Variants in TRPM1 observed in about 807,000 individuals in gnomAD.
TRPM1 encodes the protein TRPM1-203 APA Isoform, Intron 10.
Under a neutral mutation model 149.4 loss-of-function variants are expected in TRPM1, and 113 were observed. The ratio of observed to expected loss-of-function variants is 0.76; its 90% CI spans 0.65 to 0.88. The LOEUF (loss-of-function observed/expected upper bound fraction) is 0.88. TRPM1 is among the 40% of genes least tolerant of loss of function. The probability of loss-of-function intolerance (pLI) is 0.00; values close to 1 mark genes in which losing one functional copy is unlikely to be tolerated. For missense variants in TRPM1, 1,976 were observed against 2,038.7 expected, an observed-to-expected ratio of 0.97 and a Z score of 0.59; for synonymous variants, 741 against 759.5, an observed-to-expected ratio of 0.98 and a Z score of 0.40.
At chr15:31,052,461 A>T (rs1467348842) in intron 11 of TRPM1, among the ~76,000 whole-genome samples, 1 of 152,148 alleles carries the variant, frequency 6.6e-6, no homozygotes, top group Non-Finnish European at 1.5e-5. Flanking sequence ...AAATACCTGA[A>T]CATAAAATCG....
At position 31,050,688 on chromosome 15, in the gene TRPM1, A is replaced by T. The variant is rs2033924365; in HGVS notation, c.1264-106T>A. 2.6e-6 allele frequency: 3 copies of T among 1,162,286 alleles called. No individual in the cohort carries two copies. In the East Asian group the frequency reaches 7.1e-5, roughly 27 times the overall value. 72.0% of individuals were successfully genotyped at this position (1,162,286 alleles called of 1,614,324 possible). On this transcript the variant is annotated intron_variant, in intron 11 of 27. Transcript: ENST00000256552. Reference sequence around the variant, plus strand: ...CTCTGTATGTGCACACATGCACACCACACATGCACACAATGTACATGTGCA... The same window carrying T: ...CTCTGTATGTGCACACATGCACACCTCACATGCACACAATGTACATGTGCA...
At chr15:31,082,909 G>A (rs1362252755) in intron 1 of TRPM1, among the ~76,000 whole-genome samples, 1 of 152,146 alleles carries the variant, frequency 6.6e-6, no homozygotes, top group Non-Finnish European at 1.5e-5. Flanking sequence ...GGGAGCTGGA[G>A]TGGAATGAAG....
chr15:31,017,239 G>A (rs2032399324), intron 27 of TRPM1, among the ~76,000 whole-genome samples: 1 of 152,156 alleles, frequency 6.6e-6, no homozygotes, highest in Non-Finnish European at 1.5e-5. Context: ...AACCCGGGAG[G>A]CGGAGGTTGC....
At chr15:31,019,425 G>A (rs111585486) in intron 27 of TRPM1, among the ~76,000 whole-genome samples, 343 of 152,152 alleles carry the variant, frequency 2.3e-3, no homozygotes, top group African/African-American at 7.9e-3. Flanking sequence ...TTTTTGAGAG[G>A]GAGTCTCTGT....
intron 5 of TRPM1, 99 bp downstream of exon 5, chr15:31,067,780 A>G: frequency 3.4e-6 from 4 of 1,159,826 alleles, no homozygotes; most frequent in East Asian, 2.3e-5. Context: ...TCAGGATGCA[A>G]TATGTTTTGT....
chr15:31,057,198 T>C (rs2034108543), intron 11 of TRPM1, among the ~76,000 whole-genome samples: 1 of 152,110 alleles, frequency 6.6e-6, no homozygotes, highest in Admixed American at 6.6e-5. Context: ...AGAATAGATA[T>C]GGCTGCAGCC....
intron 1 of TRPM1, among the ~76,000 whole-genome samples, chr15:31,114,736 AT>A (rs958402418): frequency 4.6e-5 from 7 of 152,248 alleles, no homozygotes; most frequent in African/African-American, 1.4e-4. Context: ...TCCAGAAAAA[AT>A]ATTCTTCCAC....
At chr15:31,069,732 T>C in intron 4 of TRPM1, 3 of 1,426,936 alleles carry the variant, frequency 2.1e-6, no homozygotes, top group Non-Finnish European at 2.7e-6. Context: ...TTGTCTTCCT[T>C]TACTGAAGAT....
chr15:31,108,551 C>T (rs1335787373), intron 1 of TRPM1, among the ~76,000 whole-genome samples: 1 of 151,994 alleles, frequency 6.6e-6, no homozygotes, highest in Non-Finnish European at 1.5e-5. Context: ...TGGAGTGCAA[C>T]GGCACGATCT....
chr15:31,107,882 G>T (rs1361586647), intron 1 of TRPM1, among the ~76,000 whole-genome samples: 4 of 147,146 alleles, frequency 2.7e-5, no homozygotes, highest in Non-Finnish European at 5.9e-5. Flanking sequence ...TTTTGAGACT[G>T]AGTCTTGCTC....
At chr15:31,150,796 G>A (rs1384244526) in intron 1 of TRPM1, among the ~76,000 whole-genome samples, 1 of 152,118 alleles carries the variant, frequency 6.6e-6, no homozygotes. Context: ...GCACAGGGGA[G>A]TTGCCTAAGA....
At chr15:31,053,516 G>C (rs529267757) in intron 11 of TRPM1, among the ~76,000 whole-genome samples, 43 of 151,930 alleles carry the variant, frequency 2.8e-4, no homozygotes, top group African/African-American at 9.4e-4. Context: ...ACCTGCCTTG[G>C]CCTCCCAAAG....
rs1359765096 is a variant in TRPM1, at chr15:31,035,940, C to T, written c.2572-266G>A. 3 of 527,016 alleles carry T rather than the reference C, an allele frequency of 5.7e-6. No homozygotes were observed. In the East Asian group the frequency reaches 1.0e-4, roughly 18 times the overall value. 32.6% of individuals were successfully genotyped at this position (527,016 alleles called of 1,614,324 possible). On this transcript the variant is annotated intron_variant, in intron 20 of 27. Coordinates refer to ENST00000256552, the MANE Select transcript of TRPM1 (RefSeq NM_001252024.2). ...ACATATTGGTTGGTGCTGTCATCCT[C>T]ATGGGGAAACTATGAAGTTGCAAAC...
rs1371575854 is a variant in TRPM1 at position 31,032,786 on chromosome 15, A to G, written c.2855T>C (p.Ile952Thr). Residue 952 changes from isoleucine to threonine, a missense_variant, in exon 22 of 28, where the codon ATC (isoleucine) becomes ACC (threonine). Physicochemically the swap from Ile to Thr is moderately conservative, Grantham distance 89. Coordinates refer to ENST00000256552, the MANE Select transcript of TRPM1 (RefSeq NM_001252024.2). ...NQPYMGYGRVIYCVDIIFWYI... is the reference protein window; with the variant it reads ...NQPYMGYGRVTYCVDIIFWYI... ...CCAGAAGATGATATCCACACAGTAG[A>G]TCACCCGGCCATAGCCCATGTAGGG... 6.2e-7 allele frequency: 1 copy of G among 1,614,072 alleles called. No homozygotes were observed.
At chr15:31,121,889 T>G (rs781341515) in intron 1 of TRPM1, among the ~76,000 whole-genome samples, 3 of 152,154 alleles carry the variant, frequency 2.0e-5, no homozygotes, top group African/African-American at 4.8e-5. Flanking sequence ...ATAGCCAATA[T>G]TTCTCATGAA....
chr15:31,023,391 C>A (rs572452751), intron 27 of TRPM1, among the ~76,000 whole-genome samples: 1 of 152,286 alleles, frequency 6.6e-6, no homozygotes, highest in African/African-American at 2.4e-5. Flanking sequence ...GCCTTGCAGG[C>A]CTGAGGACAG....
At chr15:31,043,176 C>G (rs2033670082) in intron 16 of TRPM1, among the ~76,000 whole-genome samples, 1 of 152,088 alleles carries the variant, frequency 6.6e-6, no homozygotes. Context: ...AGGTTGTTCA[C>G]TACTGACCCA....
intron 11 of TRPM1, among the ~76,000 whole-genome samples, chr15:31,059,591 G>T (rs1282738069): frequency 1.3e-5 from 2 of 151,910 alleles, no homozygotes; most frequent in African/African-American, 4.8e-5. Context: ...ATTTTTTGTA[G>T]AGATGGTGTC....
intron 1 of TRPM1, among the ~76,000 whole-genome samples, chr15:31,087,235 T>A (rs2140991771): frequency 8.9e-6 from 1 of 112,956 alleles, no homozygotes; most frequent in African/African-American, 4.0e-5. Context: ...ATAGGGATTT[T>A]TTTTTTTTTT....
Sources: gnomAD v4.1 joint callset for allele counts (sites outside exome capture counted in the v4.1 genomes callset) on GRCh38, gnomAD v4.1.1 for gene constraint, MANE v1.5 for transcripts, NCBI Gene and HGNC (gene_info 2026-07-23, HGNC 2026-07-21) for gene names.